Variants in RRN3 observed in about 807,000 individuals in gnomAD.
RRN3 encodes the protein RNA polymerase I-specific transcription initiation factor RRN3.
A neutral mutation model predicts 82.3 loss-of-function variants in RRN3; 38 were observed. The observed-to-expected ratio is 0.46, with a 90% CI of 0.36 to 0.61. The LOEUF is 0.61. Among genes scored for constraint, RRN3 ranks in the 20% least tolerant of loss-of-function variants. The pLI, the probability that RRN3 is intolerant of heterozygous loss-of-function variation, is 0.00. For missense variants in RRN3, 726 were observed against 793.1 expected (o/e 0.92, Z 1.02); for synonymous variants, 284 against 284.3 (o/e 1.00, Z 0.01).
chr16:15,086,813 T>C (rs897400404), intron 3 of RRN3, among the ~76,000 whole-genome samples: 11 of 152,160 alleles, frequency 7.2e-5, no homozygotes, highest in East Asian at 3.8e-4. Flanking sequence ...AAAGGAACAA[T>C]AGCTACCTCT....
At position 15,061,775 on chromosome 16, in the gene RRN3, G is replaced by C. The variant is rs775475046; in HGVS notation, c.1925C>G (p.Pro642Arg). 3 of 1,613,988 alleles carry C rather than the reference G, an allele frequency of 1.9e-6. No homozygotes were observed. In the South Asian group the frequency reaches 3.3e-5, roughly 18 times the overall value. Residue 642 changes from proline to arginine, a missense_variant, in exon 18 of 18, where the codon CCC (proline) becomes CGC (arginine). Pro to Arg is a moderately radical substitution (Grantham distance 103, BLOSUM62 -2). Around this residue, in one of 4 missense-constraint regions of RRN3, gnomAD observed 166 missense variants for 154.8 expected, o/e 1.07. Transcript: ENST00000198767. Reference sequence around the variant, plus strand: ...GGGACTGGGTTGCATGTACAACACGGGTGGGGAGCCCACACTACTTGAAGG... The same window carrying C: ...GGGACTGGGTTGCATGTACAACACGCGTGGGGAGCCCACACTACTTGAAGG... Reference protein sequence around the residue: ...RSPSSSVGSPPVLYMQPSPL With the variant: ...RSPSSSVGSPRVLYMQPSPL
intron 15 of RRN3, 49 bp downstream of exon 15, chr16:15,068,120 A>T: frequency 6.7e-7 from 1 of 1,491,930 alleles, no homozygotes; most frequent in Non-Finnish European, 9.0e-7. Context: ...GATAAACATA[A>T]ATAAAAATAT....
At chr16:15,090,466 G>C (rs1238878124) in intron 3 of RRN3, among the ~76,000 whole-genome samples, 1 of 152,128 alleles carries the variant, frequency 6.6e-6, no homozygotes, top group East Asian at 1.9e-4. Flanking sequence ...TTTAAACATG[G>C]CATGCACCTA....
Position 15,071,112 on chromosome 16 carries a change from G to T in RRN3, c.1259+9C>A, listed in dbSNP as rs1482402404. Reference sequence around the variant, plus strand: ...TATTAAAAAGTATTCGGAAAATTAGGCTACTTACATAAGAGGAATAAATTT... The same window carrying T: ...TATTAAAAAGTATTCGGAAAATTAGTCTACTTACATAAGAGGAATAAATTT... On this transcript the variant is annotated intron_variant, in intron 13 of 17. Transcript: ENST00000198767. The T allele has an allele frequency of 1.9e-6, 3 of 1,595,472 alleles. No individual in the cohort carries two copies. Among genetic ancestry groups the T allele is most frequent in the Non-Finnish European group, 2.6e-6 (3 of 1,172,730 alleles).
At chr16:15,080,661 A>T (rs914309142) in intron 8 of RRN3, among the ~76,000 whole-genome samples, 1 of 152,132 alleles carries the variant, frequency 6.6e-6, no homozygotes, top group Non-Finnish European at 1.5e-5. Flanking sequence ...CAACTCCTGG[A>T]TCTTCCCACT....
At chr16:15,084,421 T>C (rs2151810707) in intron 7 of RRN3, among the ~76,000 whole-genome samples, 1 of 152,138 alleles carries the variant, frequency 6.6e-6, no homozygotes, top group East Asian at 1.9e-4. Flanking sequence ...CATACAAAAT[T>C]GGGGGAGGAT....
chr16:15,093,055 G>A (rs906865132), intron 1 of RRN3, among the ~76,000 whole-genome samples: 1 of 152,046 alleles, frequency 6.6e-6, no homozygotes, highest in Non-Finnish European at 1.5e-5. Context: ...CCAGGCTGGA[G>A]TGCAGTGGTG....
chr16:15,073,840 C>T (rs2045342014), intron 11 of RRN3, among the ~76,000 whole-genome samples: 1 of 151,946 alleles, frequency 6.6e-6, no homozygotes, highest in Non-Finnish European at 1.5e-5. Flanking sequence ...GATAGTTAGT[C>T]TTGAACTCCT....
chr16:15,070,680 G>A (rs938390910), intron 13 of RRN3, among the ~76,000 whole-genome samples: 3 of 152,086 alleles, frequency 2.0e-5, no homozygotes, highest in Admixed American at 6.6e-5. Context: ...TTGGGGAAGG[G>A]TTTCAACAGC....
intron 14 of RRN3, 56 bp downstream of exon 14, chr16:15,070,014 C>T: frequency 1.0e-6 from 1 of 977,940 alleles, no homozygotes; most frequent in Non-Finnish European, 1.5e-6. Flanking sequence ...AATCACCATT[C>T]TGAAGGGTGA....
intron 13 of RRN3, among the ~76,000 whole-genome samples, 173 bp from the exon 14 acceptor site, chr16:15,070,427 C>T (rs536998513): frequency 4.0e-5 from 6 of 151,538 alleles, no homozygotes; most frequent in Non-Finnish European, 5.9e-5. Flanking sequence ...AGGATGGGTG[C>T]GTAGGAAGAC....
intron 7 of RRN3, among the ~76,000 whole-genome samples, chr16:15,084,259 C>T (rs1471211966): frequency 1.3e-5 from 2 of 152,016 alleles, no homozygotes; most frequent in Non-Finnish European, 2.9e-5. Context: ...AACTAGAGGT[C>T]CACCCCTCCA....
At position 15,061,918 on chromosome 16, in the gene RRN3, C is replaced by A; in HGVS notation, c.1795-13G>T. ...CTTCCACTATGTCCTGCAGAAACAT[C>A]AGAAATCATCAGTAACATCACCAGT... is the stretch of plus-strand genomic sequence containing the variant. On this transcript the variant is annotated splice_polypyrimidine_tract_variant and intron_variant, in intron 17 of 17. Transcript: ENST00000198767. 6.2e-7 allele frequency: 1 copy of A among 1,601,644 alleles called. No homozygotes were observed. Among genetic ancestry groups the A allele is most frequent in the Admixed American group, 1.7e-5 (1 of 59,872 alleles).
intron 9 of RRN3, among the ~76,000 whole-genome samples, chr16:15,079,383 G>A (rs561147496): frequency 2.0e-5 from 3 of 152,274 alleles, no homozygotes; most frequent in South Asian, 4.1e-4. Flanking sequence ...ACTTCCGTAA[G>A]AATCCCTTCC....
intron 16 of RRN3, among the ~76,000 whole-genome samples, chr16:15,063,660 G>A (rs1355288962): frequency 5.6e-5 from 8 of 141,792 alleles, no homozygotes; most frequent in South Asian, 2.2e-4. Context: ...AGCCGAGATC[G>A]CGCCACTGCA....
chr16:15,077,386 T>C (rs1380803372), intron 9 of RRN3, among the ~76,000 whole-genome samples: 1 of 152,112 alleles, frequency 6.6e-6, no homozygotes, highest in Non-Finnish European at 1.5e-5. Flanking sequence ...CATACTGTTC[T>C]CGTGATAGTG....
At chr16:15,066,636 TAA>T (rs67409412) in intron 15 of RRN3, among the ~76,000 whole-genome samples, 41 of 105,370 alleles carry the variant, frequency 3.9e-4, no homozygotes, top group Non-Finnish European at 3.8e-4. Flanking sequence ...TTGTCTCAAA[TAA>T]AAAAAAAAAA....
intron 10 of RRN3, 48 bp downstream of exon 10, chr16:15,076,510 A>G (rs1313873620): frequency 1.6e-6 from 2 of 1,262,352 alleles, no homozygotes; most frequent in Non-Finnish European, 2.3e-6. Context: ...AGCTGTTTCC[A>G]CCCTTTATGA....
At chr16:15,080,952 G>C (rs576356140) in intron 8 of RRN3, among the ~76,000 whole-genome samples, 1 of 151,480 alleles carries the variant, frequency 6.6e-6, no homozygotes. Flanking sequence ...ATGTTTTTAG[G>C]GTTCAATCAT....
Sources: gnomAD v4.1 joint callset for allele counts (sites outside exome capture counted in the v4.1 genomes callset) on GRCh38, gnomAD v4.1.1 for gene constraint, gnomAD v4.1.1 regional missense constraint, MANE v1.5 for transcripts, NCBI Gene and HGNC (gene_info 2026-07-23, HGNC 2026-07-21) for gene names.